MGAM: variants seen among roughly 807,000 people sequenced by gnomAD.
The protein encoded by MGAM is maltase-glucoamylase, also known as alpha-1,4-glucosidase.
MGAM carries 253 observed loss-of-function variants against 358.8 expected under a neutral mutation model. The ratio of observed to expected loss-of-function variants is 0.71; its 90% CI spans 0.64 to 0.78. The LOEUF is 0.78. Among genes scored for constraint, MGAM ranks in the 30% least tolerant of loss-of-function variants. The pLI is 0.00. For synonymous variants in MGAM, 1,105 were observed against 1,227.1 expected (o/e 0.90, Z 2.08); for missense variants, 3,080 against 3,432.6 (o/e 0.90, Z 2.57).
intron 45 of MGAM, among the ~76,000 whole-genome samples, chr7:142,075,366 A>G (rs1474382837): frequency 4.1e-5 from 6 of 146,252 alleles, no homozygotes; most frequent in African/African-American, 1.5e-4. Flanking sequence ...AACCTCCTTG[A>G]CGTAGTCTTG....
intron 21 of MGAM, among the ~76,000 whole-genome samples, chr7:142,041,914 T>C (rs1264093326): frequency 1.3e-4 from 3 of 23,350 alleles, no homozygotes; most frequent in Admixed American, 7.9e-4. Context: ...ATTATATATA[T>C]ACGTATAATA....
upstream of MGAM, among the ~76,000 whole-genome samples, chr7:141,993,418 A>G (rs189404378): frequency 1.1e-3 from 168 of 152,388 alleles, 2 homozygotes; most frequent in Admixed American, 2.5e-3. Flanking sequence ...ATCAAGATCA[A>G]TGACATGAAA....
Position 142,044,304 on chromosome 7 carries a change from A to C in MGAM, c.2498+3458A>C, listed in dbSNP as rs1182085598. ...ACATACGACATATAATATATACTAT[A>C]TATAATATACACATACGATATATAA... is the stretch of plus-strand genomic sequence containing the variant. On this transcript the variant is annotated intron_variant, in intron 21 of 70. Transcript: ENST00000475668. 4.3e-5 allele frequency among the ~76,000 whole-genome samples: 6 copies of C among 139,058 alleles called. 2 individuals are homozygous for C. Among genetic ancestry groups the C allele is most frequent in the Non-Finnish European group, 4.6e-5 (3 of 64,964 alleles). 91.2% of individuals were successfully genotyped at this position (139,058 alleles called of 152,430 possible).
At position 142,008,547 on chromosome 7, in the gene MGAM, A is replaced by G; in HGVS notation, c.169A>G (p.Thr57Ala). The change falls in exon 3 of 71, where the codon ACT becomes GCT. Residue 57 changes from threonine to alanine, a missense_variant. Physicochemically the swap from Thr to Ala is moderately conservative, Grantham distance 58. Around this residue, in one of 5 missense-constraint regions of MGAM, gnomAD observed 1,816 missense variants for 1,840.5 expected, o/e 0.99. Coordinates refer to ENST00000475668, the MANE Select transcript of MGAM (RefSeq NM_001365693.1). The part of the protein sequence containing the change: ...GTTGTPDPGT[T>A]GTPDPGTTGT... ...AACTGGTACCCCAGATCCTGGGACA[A>G]CTGGTACCCCAGATCCTGGAACAAC... The G allele has an allele frequency of 6.2e-7, 1 of 1,612,874 alleles. No individual in the cohort carries two copies. The highest frequency in any genetic ancestry group is 8.5e-7 in the Non-Finnish European group (1 of 1,179,422).
rs747751342 is a variant in MGAM, at chr7:142,091,917, A to G, written c.6815A>G (p.Tyr2272Cys). Residue 2272 changes from tyrosine (Y) to cysteine (C), a missense_variant, in exon 58 of 71, where the codon TAT becomes TGT. Coordinates refer to ENST00000475668, the MANE Select transcript of MGAM (RefSeq NM_001365693.1). ...SLDWDSQVEL[Y>C]RAYVAFPDFF... Reference sequence around the variant, plus strand: ...AATTATATTTCTTTTTTATAGCTATATCGAGCTTATGTGGCCTTCCCAGAC... The same window carrying G: ...AATTATATTTCTTTTTTATAGCTATGTCGAGCTTATGTGGCCTTCCCAGAC... The G allele has an allele frequency of 6.6e-5, 97 of 1,478,798 alleles. 15 individuals carry two copies. The highest frequency in any genetic ancestry group is 8.6e-5 in the Non-Finnish European group (93 of 1,083,482). 91.6% of individuals were successfully genotyped at this position (1,478,798 alleles called of 1,614,324 possible).
intron 24 of MGAM, among the ~76,000 whole-genome samples, chr7:142,051,304 A>T (rs1810926362): frequency 6.6e-6 from 1 of 152,074 alleles, no homozygotes; most frequent in African/African-American, 2.4e-5. Flanking sequence ...ATTCTCAAGC[A>T]GTCTCATATT....
At chr7:142,028,374 A>G (rs1807160412) in intron 10 of MGAM, among the ~76,000 whole-genome samples, 1 of 152,126 alleles carries the variant, frequency 6.6e-6, no homozygotes, top group Non-Finnish European at 1.5e-5. Context: ...GTAGTTCTAG[A>G]CCCCATGAAT....
chr7:141,990,918 C>G (rs117528323), upstream of MGAM, among the ~76,000 whole-genome samples: 1,884 of 152,260 alleles, frequency 0.012, 16 homozygotes, highest in Non-Finnish European at 0.018. Context: ...TGTGTATTCT[C>G]TGTCCAGTAG....
Position 142,034,607 on chromosome 7 carries a change from T to A in MGAM, c.1788-63T>A, listed in dbSNP as rs1807815275. The A allele has an allele frequency of 9.7e-6, 14 of 1,444,948 alleles. No homozygotes were observed. In the South Asian group the frequency reaches 1.6e-4, roughly 17 times the overall value. The allele number at this position is 1,444,948 out of a possible 1,614,324, so 89.5% of individuals were successfully genotyped here. A position where few individuals can be genotyped will look rare whatever the true frequency, so the allele number is the denominator to read the frequency against. On this transcript the variant is annotated intron_variant, in intron 15 of 70. Transcript: ENST00000475668. ...TTTAATGTCTTTTGTATTGTTGCTG[T>A]ATCCCCTTGGCTGAGACAAGCTAAG...
Position 142,068,058 on chromosome 7 carries a change from G to A in MGAM, c.5005-589G>A, listed in dbSNP as rs1168055143. 3.6e-5 allele frequency among the ~76,000 whole-genome samples: 4 copies of A among 111,728 alleles called. 1 individual carries two copies. Among genetic ancestry groups the A allele is most frequent in the Non-Finnish European group, 8.1e-5 (4 of 49,444 alleles). 73.3% of individuals were successfully genotyped at this position (111,728 alleles called of 152,430 possible). A position where few individuals can be genotyped will look rare whatever the true frequency, so the allele number is the denominator to read the frequency against. On this transcript the variant is annotated intron_variant, in intron 42 of 70. Transcript: ENST00000475668. ...GCTGGAGTGCAGTGGCATGATCTTGGCTCATTCAACCTCTGCCTCCTGGGT... is the reference window on the plus strand; with the variant it reads ...GCTGGAGTGCAGTGGCATGATCTTGACTCATTCAACCTCTGCCTCCTGGGT...
intron 40 of MGAM, 72 bp from the exon 41 acceptor site, chr7:142,066,501 C>T: frequency 6.7e-7 from 1 of 1,481,768 alleles, no homozygotes; most frequent in South Asian, 1.2e-5. Context: ...TTGGAGTATG[C>T]TTTTAGTGAC....
At chr7:142,087,334 A>G (rs1344546927) in intron 57 of MGAM, among the ~76,000 whole-genome samples, 2 of 145,772 alleles carry the variant, frequency 1.4e-5, no homozygotes, top group Non-Finnish European at 3.1e-5. Context: ...CAAGTAGCCC[A>G]TGCTTCTGTA....
Position 142,065,958 on chromosome 7 carries a change from G to GTTTTTTTTT in MGAM, c.4770+131_4770+132insTTTTTTTTT, listed in dbSNP as rs1477940566. 3.4e-5 allele frequency: 25 copies of GTTTTTTTTT among 743,308 alleles called. No homozygotes were observed. The African/African-American group carries it at 5.2e-4, about 15-fold the overall frequency. 46.0% of individuals were successfully genotyped at this position (743,308 alleles called of 1,614,324 possible). ...AAAAAAAGGTGTTTTTTTTTGTTTT[G>GTTTTTTTTT]TTTTGTTTTGTTTTTTTTTTTGAAA... is the stretch of plus-strand genomic sequence containing the variant. On this transcript the variant is annotated intron_variant, in intron 40 of 70. Transcript: ENST00000475668.
At position 141,995,881 on chromosome 7, in the gene MGAM, T is replaced by C. The variant is rs1804181209; in HGVS notation, c.-52T>C. 1.3e-5 allele frequency: 2 copies of C among 152,224 alleles called. No homozygotes were observed. Among genetic ancestry groups the C allele is most frequent in the Admixed American group, 6.5e-5 (1 of 15,280 alleles). The allele number at this position is 152,224 out of a possible 1,614,324, so 9.4% of individuals were successfully genotyped here. A position where few individuals can be genotyped will look rare whatever the true frequency, so the allele number is the denominator to read the frequency against. ...GTGGACTGTGCTCCTCTGCTTTTAT[T>C]GCTAAGCCATCCTTCAGACAGAGAG... On this transcript the variant is annotated 5_prime_UTR_variant, in exon 1 of 71. Coordinates refer to ENST00000475668, the MANE Select transcript of MGAM (RefSeq NM_001365693.1).
intron 9 of MGAM, 115 bp downstream of exon 9, chr7:142,027,342 TA>T: frequency 1.1e-6 from 1 of 877,748 alleles, no homozygotes; most frequent in Non-Finnish European, 1.8e-6. Flanking sequence ...AAATTTGAGA[TA>T]TTAAAGAACA....
At chr7:142,051,542 A>G (rs1810951961) in intron 24 of MGAM, among the ~76,000 whole-genome samples, 1 of 152,198 alleles carries the variant, frequency 6.6e-6, no homozygotes, top group African/African-American at 2.4e-5. Context: ...ATAGAAAAAT[A>G]TTAAATATTT....
At chr7:142,003,684 C>T (rs1804916846) in intron 1 of MGAM, among the ~76,000 whole-genome samples, 1 of 151,804 alleles carries the variant, frequency 6.6e-6, no homozygotes, top group South Asian at 2.1e-4. Context: ...ACAACAGAAA[C>T]AAAATCAGAC....
At chr7:142,053,971 G>T (rs1005331299) in intron 26 of MGAM, among the ~76,000 whole-genome samples, 2 of 152,146 alleles carry the variant, frequency 1.3e-5, no homozygotes, top group African/African-American at 4.8e-5. Flanking sequence ...TCCAAAATAT[G>T]TGCCTCTTTC....
Position 142,070,887 on chromosome 7 carries a change from T to A in MGAM, c.5062-107T>A, listed in dbSNP as rs114439530. The stretch of plus-strand genomic sequence containing the variant: ...ATAGCAGGTATGTTGCAAAGGGTGA[T>A]GAACAGGCATAAGTTCAGAGGGGAG... On this transcript the variant is annotated intron_variant, in intron 43 of 70. Transcript: ENST00000475668. 3.0e-4 allele frequency: 422 copies of A among 1,401,872 alleles called. 16 individuals are homozygous for A. The African/African-American group carries it at 4.7e-3, about 16-fold the overall frequency. 86.8% of individuals were successfully genotyped at this position (1,401,872 alleles called of 1,614,324 possible). A position where few individuals can be genotyped will look rare whatever the true frequency, so the allele number is the denominator to read the frequency against.
Sources: allele counts gnomAD v4.1 joint callset (sites outside exome capture counted in the v4.1 genomes callset), GRCh38; gene constraint gnomAD v4.1.1; regional missense constraint gnomAD v4.1.1; transcripts MANE v1.5; gene names NCBI Gene and HGNC (gene_info 2026-07-23, HGNC 2026-07-21).